SORCS3: variants seen among roughly 807,000 people sequenced by gnomAD.
SORCS3 encodes sortilin related VPS10 domain containing receptor 3, also known as VPS10 domain-containing receptor SorCS3.
A neutral mutation model predicts 146.3 loss-of-function variants in SORCS3; 57 were observed. The ratio of observed to expected loss-of-function variants is 0.39; its 90% CI spans 0.31 to 0.49. The LOEUF is 0.49. Among genes scored for constraint, SORCS3 ranks in the 20% least tolerant of loss-of-function variants. The pLI, the probability that SORCS3 is intolerant of heterozygous loss-of-function variation, is 0.92. For synonymous variants in SORCS3, 653 were observed against 618.5 expected (o/e 1.06, Z -0.83); for missense variants, 1,341 against 1,575.5 (o/e 0.85, Z 2.52).
chr10:105,015,746 T>C (rs2055161639), intron 4 of SORCS3, among the ~76,000 whole-genome samples: 1 of 152,078 alleles, frequency 6.6e-6, no homozygotes, highest in Non-Finnish European at 1.5e-5. Context: ...TTTTTTCTTT[T>C]TGAGACACAG....
At chr10:104,882,952 A>G (rs768470056) in intron 2 of SORCS3, among the ~76,000 whole-genome samples, 1 of 152,240 alleles carries the variant, frequency 6.6e-6, no homozygotes, top group Non-Finnish European at 1.5e-5. Flanking sequence ...GGAAGAAATC[A>G]TTCTGCTTTC....
chr10:105,166,023 GA>G (rs2119523754), intron 12 of SORCS3, among the ~76,000 whole-genome samples: 1 of 152,290 alleles, frequency 6.6e-6, no homozygotes, highest in South Asian at 2.1e-4. Flanking sequence ...GCTCTGGAGA[GA>G]AAAGCCTAAC....
At chr10:105,121,630 C>T (rs2055933914) in intron 7 of SORCS3, among the ~76,000 whole-genome samples, 2 of 152,186 alleles carry the variant, frequency 1.3e-5, no homozygotes, top group Admixed American at 1.3e-4. Flanking sequence ...AAGACTTGCT[C>T]CATTCCCTAT....
chr10:105,050,602 T>C (rs2055403963), intron 5 of SORCS3, among the ~76,000 whole-genome samples: 2 of 152,148 alleles, frequency 1.3e-5, no homozygotes, highest in African/African-American at 4.8e-5. Context: ...AACACTTTGA[T>C]AGAAGCCTTG....
chr10:105,039,351 A>G (rs1253023834), intron 4 of SORCS3, among the ~76,000 whole-genome samples: 4 of 152,092 alleles, frequency 2.6e-5, no homozygotes, highest in African/African-American at 9.7e-5. Context: ...TTTTTTTTCC[A>G]TCAGTCAAAC....
intron 3 of SORCS3, among the ~76,000 whole-genome samples, chr10:104,961,799 G>A (rs1347078319): frequency 2.6e-5 from 4 of 152,094 alleles, no homozygotes; most frequent in Admixed American, 6.6e-5. Context: ...CAAATACAAT[G>A]AACTGAATAT....
At chr10:105,250,471 C>G (rs1409836000) in intron 22 of SORCS3, among the ~76,000 whole-genome samples, 1 of 152,166 alleles carries the variant, frequency 6.6e-6, no homozygotes, top group Non-Finnish European at 1.5e-5. Flanking sequence ...ACCAATCACT[C>G]GTATGTCCCT....
intron 1 of SORCS3, among the ~76,000 whole-genome samples, chr10:104,664,075 T>C (rs2015736527): frequency 6.6e-6 from 1 of 152,146 alleles, no homozygotes; most frequent in Non-Finnish European, 1.5e-5. Flanking sequence ...AGAGCTTTGC[T>C]GGTTGCTGGG....
chr10:104,892,790 C>G (rs1415233422), intron 2 of SORCS3, among the ~76,000 whole-genome samples: 1 of 152,060 alleles, frequency 6.6e-6, no homozygotes, highest in Non-Finnish European at 1.5e-5. Flanking sequence ...GAGTTCTTTC[C>G]TCCCACTTTA....
At chr10:105,156,259 GAA>G (rs2119493305) in intron 9 of SORCS3, among the ~76,000 whole-genome samples, 1 of 152,238 alleles carries the variant, frequency 6.6e-6, no homozygotes, top group Admixed American at 6.5e-5. Context: ...AACTTCTATG[GAA>G]AAAGAGTTAA....
At chr10:104,872,289 C>T (rs1386642166) in intron 2 of SORCS3, among the ~76,000 whole-genome samples, 5 of 152,120 alleles carry the variant, frequency 3.3e-5, no homozygotes, top group African/African-American at 4.8e-5. Context: ...TCCCCTGTGA[C>T]CTTGGCAAGT....
intron 1 of SORCS3, among the ~76,000 whole-genome samples, chr10:104,786,724 C>A (rs957744985): frequency 6.6e-6 from 1 of 152,046 alleles, no homozygotes; most frequent in African/African-American, 2.4e-5. Flanking sequence ...CAGGTCCTTG[C>A]CTCTGTGGGT....
chr10:105,041,693 A>G (rs895932294), intron 4 of SORCS3, among the ~76,000 whole-genome samples: 2 of 152,138 alleles, frequency 1.3e-5, no homozygotes, highest in African/African-American at 2.4e-5. Context: ...TTATTTCTGT[A>G]TGAGTTGTAA....
intron 4 of SORCS3, among the ~76,000 whole-genome samples, chr10:104,984,449 G>C (rs1372753766): frequency 6.6e-6 from 1 of 152,002 alleles, no homozygotes; most frequent in Admixed American, 6.6e-5. Context: ...AAAATATCTT[G>C]GCAATATATA....
At chr10:104,990,263 T>G (rs1478009086) in intron 4 of SORCS3, among the ~76,000 whole-genome samples, 1 of 152,204 alleles carries the variant, frequency 6.6e-6, no homozygotes, top group East Asian at 1.9e-4. Context: ...AATTTCCCAA[T>G]GGAATGAAAC....
In SORCS3 at chr10:104,780,598, C is replaced by T. The variant is rs1191251492; in HGVS notation, c.628-62194C>T. Among the ~76,000 whole-genome samples the T allele has an allele frequency of 1.2e-4, 19 of 152,182 alleles. 1 individual carries two copies. Among genetic ancestry groups the T allele is most frequent in the Admixed American group, 1.2e-3 (19 of 15,278 alleles). ...GTTTGGATCTGCAGGGGCCTCTGCT[C>T]CAAAAGCAGATGCTCCTTTTGTGAG... On this transcript the variant is annotated intron_variant, in intron 1 of 26. Transcript: ENST00000369701.
chr10:104,708,846 A>C (rs10884037), intron 1 of SORCS3, among the ~76,000 whole-genome samples: 30,293 of 152,184 alleles, frequency 0.2, 3,258 homozygotes, highest in Non-Finnish European at 0.25. Flanking sequence ...GGCAATCACA[A>C]AGCCCTTTTG....
At chr10:104,676,086 T>C (rs1327298135) in intron 1 of SORCS3, among the ~76,000 whole-genome samples, 1 of 152,230 alleles carries the variant, frequency 6.6e-6, no homozygotes, top group Non-Finnish European at 1.5e-5. Context: ...GAATTTAAAA[T>C]TTTTCATTTT....
At chr10:104,800,873 C>T (rs2017616919) in intron 1 of SORCS3, among the ~76,000 whole-genome samples, 1 of 152,150 alleles carries the variant, frequency 6.6e-6, no homozygotes, top group Admixed American at 6.5e-5. Flanking sequence ...TCCTTCCCAT[C>T]CCACCTTCTC....
Sources: allele counts gnomAD v4.1 joint callset (sites outside exome capture counted in the v4.1 genomes callset), GRCh38; gene constraint gnomAD v4.1.1; transcripts MANE v1.5; gene names NCBI Gene and HGNC (gene_info 2026-07-23, HGNC 2026-07-21).